The following EXOC4 variants were observed in gnomAD, a reference collection of about 807,000 sequenced individuals.
The protein encoded by EXOC4 is SEC8-like 1.
A neutral mutation model predicts 107.2 loss-of-function variants in EXOC4; 71 were observed. The ratio of observed to expected loss-of-function variants is 0.66; its 90% CI spans 0.55 to 0.81. The LOEUF (loss-of-function observed/expected upper bound fraction) is 0.81, where lower values mean the gene tolerates loss of function less well. Ranked by LOEUF, EXOC4 falls within the 30% of genes least tolerant of loss-of-function variation. EXOC4 has a pLI of 0.00. For missense variants in EXOC4, 1,108 were observed against 1,189.6 expected, an observed-to-expected ratio of 0.93 and a Z score of 1.01; for synonymous variants, 456 against 441.2, an observed-to-expected ratio of 1.03 and a Z score of -0.42.
chr7:134,059,549 G>A (rs536095802), intron 17 of EXOC4, among the ~76,000 whole-genome samples: 1 of 152,290 alleles, frequency 6.6e-6, no homozygotes, highest in African/African-American at 2.4e-5. Flanking sequence ...GTTGTTGATA[G>A]GAGGATAAAT....
chr7:133,649,101 G>A (rs1803068474), intron 10 of EXOC4, among the ~76,000 whole-genome samples: 1 of 152,042 alleles, frequency 6.6e-6, no homozygotes, highest in Admixed American at 6.6e-5. Flanking sequence ...ATTTTCTTGA[G>A]CTATTATTTT....
intron 10 of EXOC4, among the ~76,000 whole-genome samples, chr7:133,753,159 A>G (rs1331681883): frequency 2.6e-5 from 4 of 152,208 alleles, no homozygotes; most frequent in Non-Finnish European, 4.4e-5. Flanking sequence ...TGTGTAAATT[A>G]TGTTCTGTGC....
At chr7:133,757,676 G>A (rs754405345) in intron 10 of EXOC4, among the ~76,000 whole-genome samples, 12 of 152,308 alleles carry the variant, frequency 7.9e-5, no homozygotes, top group South Asian at 2.1e-4. Flanking sequence ...CAAGGTATTC[G>A]TATATCTGGA....
intron 7 of EXOC4, among the ~76,000 whole-genome samples, chr7:133,422,047 C>G (rs1049176571): frequency 6.6e-6 from 1 of 152,102 alleles, no homozygotes; most frequent in Non-Finnish European, 1.5e-5. Context: ...TGCCCAGTAA[C>G]CTGATTGAAG....
chr7:134,012,089 T>G (rs1371791623), intron 17 of EXOC4, among the ~76,000 whole-genome samples: 1 of 152,176 alleles, frequency 6.6e-6, no homozygotes, highest in African/African-American at 2.4e-5. Flanking sequence ...AGTCTGAGGT[T>G]TGATCTAAGG....
At chr7:133,915,246 ATTC>A (rs1449298097) in intron 12 of EXOC4, among the ~76,000 whole-genome samples, 9 of 151,970 alleles carry the variant, frequency 5.9e-5, no homozygotes, top group African/African-American at 2.2e-4. Context: ...TCATTCATTC[ATTC>A]ATTCATTCAT....
At chr7:133,256,789 G>A (rs1240595733) in intron 1 of EXOC4, among the ~76,000 whole-genome samples, 1 of 152,164 alleles carries the variant, frequency 6.6e-6, no homozygotes, top group Non-Finnish European at 1.5e-5. Context: ...AAAAACTACA[G>A]GTGGATAAGG....
At chr7:133,742,535 T>C (rs2151129806) in intron 10 of EXOC4, among the ~76,000 whole-genome samples, 1 of 152,320 alleles carries the variant, frequency 6.6e-6, no homozygotes, top group East Asian at 1.9e-4. Flanking sequence ...CTTGGATTTA[T>C]GAGAAACCAA....
At chr7:133,685,334 C>T (rs1224564161) in intron 10 of EXOC4, among the ~76,000 whole-genome samples, 1 of 152,120 alleles carries the variant, frequency 6.6e-6, no homozygotes, top group African/African-American at 2.4e-5. Context: ...TTCTAAAGGG[C>T]TCTTCCCCCT....
intron 9 of EXOC4, among the ~76,000 whole-genome samples, chr7:133,540,146 G>A: frequency 1.3e-5 from 2 of 152,084 alleles, no homozygotes; most frequent in South Asian, 4.1e-4. Flanking sequence ...TATTACTATT[G>A]CCATTACTTG....
intron 10 of EXOC4, among the ~76,000 whole-genome samples, chr7:133,656,116 A>G (rs1803288596): frequency 6.6e-6 from 1 of 152,134 alleles, no homozygotes. Context: ...CCGAAACGTC[A>G]TCCTGTGGTG....
At chr7:133,492,333 G>C (rs1308164745) in intron 9 of EXOC4, among the ~76,000 whole-genome samples, 1 of 152,142 alleles carries the variant, frequency 6.6e-6, no homozygotes, top group African/African-American at 2.4e-5. Flanking sequence ...TCTTGGGTAG[G>C]TAATGATGTC....
chr7:134,088,807 G>C, the EXOC4 span, among the ~76,000 whole-genome samples: 2 of 152,240 alleles, frequency 1.3e-5, no homozygotes, highest in East Asian at 3.9e-4. Context: ...GGTTACCTCT[G>C]TGGCATACAG....
intron 17 of EXOC4, among the ~76,000 whole-genome samples, chr7:134,023,402 T>C (rs556164777): frequency 2.0e-5 from 3 of 152,292 alleles, no homozygotes; most frequent in African/African-American, 7.2e-5. Flanking sequence ...TAAGACTAGG[T>C]AGTAATGACA....
chr7:133,906,122 G>A (rs10224575), intron 12 of EXOC4, among the ~76,000 whole-genome samples: 70,677 of 151,648 alleles, frequency 0.47, 17,728 homozygotes, highest in African/African-American at 0.65. Context: ...GTACATGATC[G>A]AAGTGGTGTT....
At chr7:133,898,474 A>G (rs1030439614) in intron 12 of EXOC4, among the ~76,000 whole-genome samples, 17 of 152,010 alleles carry the variant, frequency 1.1e-4, no homozygotes, top group African/African-American at 4.1e-4. Flanking sequence ...GGCCCGATGC[A>G]GTGGCTCACG....
intron 9 of EXOC4, among the ~76,000 whole-genome samples, chr7:133,539,591 G>C (rs949748311): frequency 1.3e-5 from 2 of 151,112 alleles, no homozygotes; most frequent in Admixed American, 1.3e-4. Flanking sequence ...AAGTCTGTGG[G>C]GTGGGGGGGT....
chr7:133,258,586 A>G (rs1795070602), intron 1 of EXOC4, among the ~76,000 whole-genome samples: 1 of 152,192 alleles, frequency 6.6e-6, no homozygotes, highest in Non-Finnish European at 1.5e-5. Flanking sequence ...GGCACACGGT[A>G]GGCACTCATA....
intron 12 of EXOC4, among the ~76,000 whole-genome samples, chr7:133,915,808 A>C (rs1157030024): frequency 6.6e-6 from 1 of 152,182 alleles, no homozygotes; most frequent in African/African-American, 2.4e-5. Context: ...TGGAGGGAAG[A>C]AGTTTCTGTA....
Sources: gnomAD v4.1 joint callset for allele counts (sites outside exome capture counted in the v4.1 genomes callset) on GRCh38, gnomAD v4.1.1 for gene constraint, MANE v1.5 for transcripts, NCBI Gene and HGNC (gene_info 2026-07-23, HGNC 2026-07-21) for gene names.